The following NCAM2 variants were observed in gnomAD, a reference collection of about 807,000 sequenced individuals.
The protein encoded by NCAM2 is neural cell adhesion molecule 2.
Under a neutral mutation model 98.1 loss-of-function variants are expected in NCAM2, and 30 were observed. The observed-to-expected ratio is 0.31, with a 90% CI of 0.23 to 0.41. The LOEUF is 0.41. Among genes scored for constraint, NCAM2 ranks in the 10% least tolerant of loss-of-function variants. The probability of loss-of-function intolerance (pLI) is 1.00; values close to 1 mark genes in which losing one functional copy is unlikely to be tolerated. For missense variants in NCAM2, 867 were observed against 1,005.8 expected, an observed-to-expected ratio of 0.86 and a Z score of 1.87; for synonymous variants, 368 against 342.4, an observed-to-expected ratio of 1.07 and a Z score of -0.83.
intron 1 of NCAM2, among the ~76,000 whole-genome samples, chr21:21,176,448 A>G (rs1318438063): frequency 6.6e-6 from 1 of 152,136 alleles, no homozygotes; most frequent in Non-Finnish European, 1.5e-5. Context: ...TATCTTTCAT[A>G]TATATTGCTA....
chr21:21,323,910 C>T (rs551283294), intron 5 of NCAM2, among the ~76,000 whole-genome samples: 1 of 152,210 alleles, frequency 6.6e-6, no homozygotes, highest in South Asian at 2.1e-4. Flanking sequence ...TATGGCATTA[C>T]ACAGACCAAT....
At chr21:21,457,661 G>A (rs925807639) in intron 12 of NCAM2, among the ~76,000 whole-genome samples, 3 of 151,736 alleles carry the variant, frequency 2.0e-5, no homozygotes, top group Non-Finnish European at 2.9e-5. Flanking sequence ...AAAAAGTGGT[G>A]AAGAACTCAG....
intron 4 of NCAM2, 139 bp from the exon 5 acceptor site, chr21:21,291,965 T>C (rs2073313806): frequency 5.6e-6 from 4 of 717,228 alleles, no homozygotes; most frequent in Non-Finnish European, 8.3e-6. Context: ...TACATTTTAC[T>C]TTCAAATTTG....
intron 1 of NCAM2, among the ~76,000 whole-genome samples, chr21:21,217,853 C>T (rs910434941): frequency 1.3e-5 from 2 of 152,082 alleles, no homozygotes; most frequent in African/African-American, 2.4e-5. Context: ...GCATTGAAGA[C>T]GGGACCGAAA....
chr21:21,265,083 CAT>C (rs1354044197), intron 1 of NCAM2, among the ~76,000 whole-genome samples: 21 of 20,098 alleles, frequency 1.0e-3, no homozygotes, highest in East Asian at 4.5e-3. Context: ...TATATACACA[CAT>C]ATATTATATA....
chr21:21,466,860 G>T, intron 13 of NCAM2, 135 bp downstream of exon 13: 2 of 937,456 alleles, frequency 2.1e-6, no homozygotes, highest in Non-Finnish European at 3.1e-6. Flanking sequence ...GGTTTCTGAA[G>T]ACAGTGACAT....
At chr21:21,233,380 C>G (rs1325821153) in intron 1 of NCAM2, among the ~76,000 whole-genome samples, 1 of 151,500 alleles carries the variant, frequency 6.6e-6, no homozygotes, top group Non-Finnish European at 1.5e-5. Flanking sequence ...TTACTGATGA[C>G]CTCTCATAGA....
At chr21:21,418,681 T>C in intron 11 of NCAM2, 112 bp downstream of exon 11, 1 of 801,148 alleles carries the variant, frequency 1.2e-6, no homozygotes, top group Non-Finnish European at 2.2e-6. Flanking sequence ...ACAATGGATC[T>C]CTTGGAGATA....
chr21:21,169,298 G>T (rs543192795), intron 1 of NCAM2, among the ~76,000 whole-genome samples: 5 of 151,676 alleles, frequency 3.3e-5, no homozygotes, highest in Non-Finnish European at 7.4e-5. Flanking sequence ...AAAATGGATC[G>T]ATCGTAGCCC....
At chr21:21,523,573 ATGTAT>A (rs1266965573) in intron 16 of NCAM2, among the ~76,000 whole-genome samples, 6 of 151,974 alleles carry the variant, frequency 3.9e-5, no homozygotes, top group Non-Finnish European at 5.9e-5. Context: ...AATGGAAACA[ATGTAT>A]TGTATTATAT....
At chr21:21,175,635 A>G (rs573572829) in intron 1 of NCAM2, among the ~76,000 whole-genome samples, 1 of 152,390 alleles carries the variant, frequency 6.6e-6, no homozygotes, top group African/African-American at 2.4e-5. Flanking sequence ...TGAGGAGGGC[A>G]TGTAGAAACC....
At position 21,295,315 on chromosome 21, in the gene NCAM2, T is replaced by C. The variant is rs187973460; in HGVS notation, c.619+3074T>C. On this transcript the variant is annotated intron_variant, in intron 5 of 17. Transcript: ENST00000400546. ...CCTCTGTAGTACCAGCAATAATACATGTTTAGGATCTTATTACTTCCTTTA... is the reference window on the plus strand; with the variant it reads ...CCTCTGTAGTACCAGCAATAATACACGTTTAGGATCTTATTACTTCCTTTA... 3.3e-3 allele frequency among the ~76,000 whole-genome samples: 497 copies of C among 151,958 alleles called. 1 individual carries two copies. Among genetic ancestry groups the C allele is most frequent in the Middle Eastern group, 0.01 (3 of 294 alleles).
Position 21,537,923 on chromosome 21 carries a change from T to G in NCAM2, c.2480T>G (p.Ile827Ser), listed in dbSNP as rs1990071760. ...ETIEIKVSND[I>S]IQSKEDDSKA Reference sequence around the variant, plus strand: ...ATAGAAATTAAAGTTTCTAACGACATCATTCAATCAAAAGAAGACGACAGC... The same window carrying G: ...ATAGAAATTAAAGTTTCTAACGACAGCATTCAATCAAAAGAAGACGACAGC... Residue 827 changes from isoleucine (I) to serine (S), a missense_variant, in exon 18 of 18, where the codon ATC becomes AGC. By Grantham distance (142) the Ile-to-Ser change is moderately radical. This residue lies in a region of NCAM2 where 125 missense variants were observed against 116.1 expected (regional missense o/e 1.08). Coordinates refer to ENST00000400546, the MANE Select transcript of NCAM2 (RefSeq NM_004540.5). 6.3e-7 allele frequency: 1 copy of G among 1,575,262 alleles called. No homozygotes were observed. Among genetic ancestry groups the G allele is most frequent in the Admixed American group, 1.8e-5 (1 of 54,490 alleles).
chr21:21,308,442 A>C (rs1163843225), intron 5 of NCAM2, among the ~76,000 whole-genome samples: 2 of 152,230 alleles, frequency 1.3e-5, no homozygotes, highest in South Asian at 4.1e-4. Context: ...AAACATTATG[A>C]ATCATTATGT....
intron 1 of NCAM2, among the ~76,000 whole-genome samples, chr21:21,110,174 A>G (rs2066427061): frequency 6.6e-6 from 1 of 152,200 alleles, no homozygotes; most frequent in South Asian, 2.1e-4. Context: ...TCATGACAGA[A>G]AAAAATACGT....
At chr21:21,252,286 CAAA>C (rs777871080) in intron 1 of NCAM2, among the ~76,000 whole-genome samples, 151,616 of 151,616 alleles carry the variant, frequency 1, 75,808 homozygotes, top group Non-Finnish European at 1. Context: ...AACAAGATAA[CAAA>C]TGTGTATCCC....
intron 1 of NCAM2, among the ~76,000 whole-genome samples, chr21:21,261,589 T>C (rs934723855): frequency 6.6e-6 from 1 of 152,174 alleles, no homozygotes; most frequent in African/African-American, 2.4e-5. Context: ...AACCTGTTCC[T>C]GATTGACCTA....
chr21:21,335,699 T>C (rs2074846213), intron 7 of NCAM2, 34 bp downstream of exon 7: 6 of 1,498,236 alleles, frequency 4.0e-6, no homozygotes, highest in South Asian at 1.4e-5. Context: ...AAAACTGTTA[T>C]GTCTATTGGA....
intron 1 of NCAM2, among the ~76,000 whole-genome samples, chr21:21,187,950 T>G (rs368574404): frequency 6.6e-6 from 1 of 152,210 alleles, no homozygotes; most frequent in African/African-American, 2.4e-5. Context: ...TAAATGAGTA[T>G]GATACATGTG....
Sources: allele counts gnomAD v4.1 joint callset (sites outside exome capture counted in the v4.1 genomes callset), GRCh38; gene constraint gnomAD v4.1.1; regional missense constraint gnomAD v4.1.1; transcripts MANE v1.5; gene names NCBI Gene and HGNC (gene_info 2026-07-23, HGNC 2026-07-21).